NCAM1: variants seen among roughly 807,000 people sequenced by gnomAD.
NCAM1 encodes neural cell adhesion molecule 1, also known as antigen recognized by monoclonal antibody 5.1H11.
Under a neutral mutation model 109.8 loss-of-function variants are expected in NCAM1, and 14 were observed. The ratio of observed to expected loss-of-function variants is 0.13; its 90% CI spans 0.08 to 0.20. The LOEUF is 0.20. Among genes scored for constraint, NCAM1 ranks in the 10% least tolerant of loss-of-function variants. NCAM1 has a pLI of 1.00. For missense variants in NCAM1, 774 were observed against 1,109.9 expected (o/e 0.70, Z 4.30); for synonymous variants, 418 against 442.9 (o/e 0.94, Z 0.70).
intron 1 of NCAM1, among the ~76,000 whole-genome samples, chr11:112,976,552 G>A (rs1247295033): frequency 3.3e-5 from 5 of 151,848 alleles, no homozygotes; most frequent in African/African-American, 4.8e-5. Flanking sequence ...CCTTGGACTA[G>A]CTGGACACTG....
intron 1 of NCAM1, among the ~76,000 whole-genome samples, chr11:113,041,596 T>C (rs144952914): frequency 1.6e-3 from 251 of 152,346 alleles, no homozygotes; most frequent in African/African-American, 5.4e-3. Flanking sequence ...GACCCGCTCA[T>C]CAGGGTGTAA....
At chr11:113,207,188 G>A (rs1302618925) in intron 5 of NCAM1, 73 bp from the exon 6 acceptor site, 2 of 1,160,306 alleles carry the variant, frequency 1.7e-6, no homozygotes, top group Admixed American at 1.8e-5. Context: ...GACCTGGAGT[G>A]GTGTCTCTTC....
chr11:113,181,880 A>C lies in NCAM1; in HGVS notation c.53-20499A>C, dbSNP rs139649416. 1.8e-4 allele frequency among the ~76,000 whole-genome samples: 27 copies of C among 152,312 alleles called. 1 individual carries two copies. Among genetic ancestry groups the C allele is most frequent in the African/African-American group, 6.5e-4 (27 of 41,572 alleles). On this transcript the variant is annotated intron_variant, in intron 1 of 19. Coordinates refer to ENST00000316851, the MANE Select transcript of NCAM1 (RefSeq NM_181351.5). ...ACATACAAGCCTCCAGAGTTTAAAA[A>C]TTGAATGAGACCACTTAGCCACTTT...
chr11:113,093,618 G>T (rs780206272), intron 1 of NCAM1, among the ~76,000 whole-genome samples: 1 of 152,068 alleles, frequency 6.6e-6, no homozygotes, highest in Admixed American at 6.6e-5. Flanking sequence ...GTTTACGAAC[G>T]CCCCATCTCT....
intron 1 of NCAM1, among the ~76,000 whole-genome samples, chr11:113,009,952 C>T (rs1952004588): frequency 6.6e-6 from 1 of 151,916 alleles, no homozygotes. Flanking sequence ...GTCTACAATT[C>T]CCAGTGTAAG....
intron 1 of NCAM1, among the ~76,000 whole-genome samples, chr11:113,017,868 G>T (rs1239051824): frequency 1.3e-5 from 2 of 152,098 alleles, no homozygotes; most frequent in Non-Finnish European, 2.9e-5. Context: ...AGTGATCTTG[G>T]CCTATCTAAT....
At chr11:113,122,251 T>C (rs775392997) in intron 1 of NCAM1, among the ~76,000 whole-genome samples, 9 of 152,224 alleles carry the variant, frequency 5.9e-5, no homozygotes, top group Admixed American at 2.6e-4. Flanking sequence ...GAAACTGGTT[T>C]ATCGACTAGT....
At chr11:113,069,126 T>A (rs1331134561) in intron 1 of NCAM1, among the ~76,000 whole-genome samples, 1 of 151,996 alleles carries the variant, frequency 6.6e-6, no homozygotes, top group African/African-American at 2.4e-5. Flanking sequence ...GGCTGTAGAG[T>A]CACCTTGTGG....
intron 1 of NCAM1, among the ~76,000 whole-genome samples, chr11:112,976,916 A>G (rs1951023219): frequency 1.3e-5 from 2 of 151,880 alleles, no homozygotes; most frequent in Admixed American, 1.3e-4. Context: ...AATTATATTC[A>G]GAGCAAAATG....
chr11:112,982,031 T>C lies in NCAM1; in HGVS notation c.52+20367T>C, dbSNP rs114907036. Among the ~76,000 whole-genome samples, 939 of 152,018 alleles carry C rather than the reference T, an allele frequency of 6.2e-3. 10 individuals carry two copies. The highest frequency in any genetic ancestry group is 0.021 in the African/African-American group (888 of 41,526). ...GGTGGCATCAAGCCCATTATGTGAC[T>C]TTTCCTCCGCAAGAAGTTTGTAACT... is the stretch of plus-strand genomic sequence containing the variant. On this transcript the variant is annotated intron_variant, in intron 1 of 19. Coordinates refer to ENST00000316851, the MANE Select transcript of NCAM1 (RefSeq NM_181351.5).
chr11:113,143,330 T>C (rs139047491), intron 1 of NCAM1, among the ~76,000 whole-genome samples: 18 of 152,350 alleles, frequency 1.2e-4, no homozygotes, highest in African/African-American at 4.3e-4. Flanking sequence ...TTAAATCCCA[T>C]CTCACATGAA....
rs569544044 is a variant in NCAM1 at position 113,003,589 on chromosome 11, C to T, written c.52+41925C>T. Among the ~76,000 whole-genome samples, 7 of 152,196 alleles carry T rather than the reference C, an allele frequency of 4.6e-5. No individual in the cohort carries two copies. The South Asian group carries it at 1.5e-3, about 32-fold the overall frequency. On this transcript the variant is annotated intron_variant, in intron 1 of 19. Transcript: ENST00000316851. ...TATCTTATGATTATGGGATTTCCCC[C>T]CTATGTGGAAAAATATGTATTAAAC...
At chr11:113,095,377 G>C (rs1158722774) in intron 1 of NCAM1, among the ~76,000 whole-genome samples, 1 of 151,712 alleles carries the variant, frequency 6.6e-6, no homozygotes, top group Non-Finnish European at 1.5e-5. Context: ...TCTAAGATGA[G>C]TTTACCCAGC....
Position 113,204,303 on chromosome 11 carries a change from G to T in NCAM1, c.145G>T (p.Asp49Tyr). The change falls in exon 3 of 20, where the codon GAT becomes TAT. Residue 49 changes from aspartate to tyrosine, a missense_variant. Coordinates refer to ENST00000316851, the MANE Select transcript of NCAM1 (RefSeq NM_181351.5). Reference sequence around the variant, plus strand: ...CTCTTTAGTGGCAGGAGATGCCAAAGATAAAGACATCTCCTGGTTCTCCCC... The same window carrying T: ...CTCTTTAGTGGCAGGAGATGCCAAATATAAAGACATCTCCTGGTTCTCCCC... Reference protein sequence around the residue: ...FLCQVAGDAKDKDISWFSPNG... With the variant: ...FLCQVAGDAKYKDISWFSPNG... 1 of 1,612,010 alleles carries T rather than the reference G, an allele frequency of 6.2e-7. No individual in the cohort carries two copies. Among genetic ancestry groups the T allele is most frequent in the Non-Finnish European group, 8.5e-7 (1 of 1,179,050 alleles).
intron 8 of NCAM1, among the ~76,000 whole-genome samples, chr11:113,215,040 G>A (rs1424065039): frequency 1.3e-5 from 2 of 152,098 alleles, no homozygotes; most frequent in Non-Finnish European, 2.9e-5. Flanking sequence ...TGTTCTAAAG[G>A]CAAAAATATT....
chr11:113,053,934 A>T (rs1953601225), intron 1 of NCAM1, among the ~76,000 whole-genome samples: 1 of 152,182 alleles, frequency 6.6e-6, no homozygotes, highest in Admixed American at 6.5e-5. Flanking sequence ...TCCCAGGCCT[A>T]AGCCATAGGT....
intron 1 of NCAM1, among the ~76,000 whole-genome samples, chr11:113,086,934 G>A (rs1939118486): frequency 6.6e-6 from 1 of 152,148 alleles, no homozygotes; most frequent in Non-Finnish European, 1.5e-5. Flanking sequence ...GTTTTCATGA[G>A]TACTTATAAG....
chr11:113,144,869 A>G (rs1392380135), intron 1 of NCAM1, among the ~76,000 whole-genome samples: 1 of 152,244 alleles, frequency 6.6e-6, no homozygotes, highest in Admixed American at 6.5e-5. Flanking sequence ...TAATGATCAT[A>G]GCCATTGTGG....
At chr11:113,185,496 T>C (rs1445975480) in intron 1 of NCAM1, among the ~76,000 whole-genome samples, 2 of 152,148 alleles carry the variant, frequency 1.3e-5, no homozygotes, top group Non-Finnish European at 2.9e-5. Flanking sequence ...ACCAAATATC[T>C]GGGCACCTTA....
Sources: gnomAD v4.1 joint callset for allele counts (sites outside exome capture counted in the v4.1 genomes callset) on GRCh38, gnomAD v4.1.1 for gene constraint, MANE v1.5 for transcripts, NCBI Gene and HGNC (gene_info 2026-07-23, HGNC 2026-07-21) for gene names.